SGCD: variants seen among roughly 807,000 people sequenced by gnomAD.
The protein encoded by SGCD is delta-sarcoglycan.
SGCD carries 18 observed loss-of-function variants against 36.6 expected under a neutral mutation model. That is an observed-to-expected ratio of 0.49 (90% CI 0.34 to 0.73). The LOEUF is 0.73. Among genes scored for constraint, SGCD ranks in the 30% least tolerant of loss-of-function variants. The pLI is 0.01. For missense variants in SGCD, 387 were observed against 346.7 expected, an observed-to-expected ratio of 1.12 and a Z score of -0.92; for synonymous variants, 133 against 130.6, an observed-to-expected ratio of 1.02 and a Z score of -0.12.
chr5:156,253,130 G>A (rs950941234), intron 3 of SGCD, among the ~76,000 whole-genome samples: 49 of 152,164 alleles, frequency 3.2e-4, no homozygotes, highest in African/African-American at 8.2e-4. Flanking sequence ...TGTGTCTCAC[G>A]GAACTAATGT....
intron 3 of SGCD, among the ~76,000 whole-genome samples, chr5:156,500,713 A>G (rs1756409223): frequency 1.3e-5 from 2 of 152,290 alleles, no homozygotes; most frequent in South Asian, 4.1e-4. Flanking sequence ...CTGAATAAAC[A>G]TATGCACTCT....
chr5:156,240,547 G>A (rs1765279968), intron 3 of SGCD, among the ~76,000 whole-genome samples: 1 of 152,102 alleles, frequency 6.6e-6, no homozygotes, highest in South Asian at 2.1e-4. Flanking sequence ...CTCAAAATGT[G>A]GTCTCCAGAC....
intron 1 of SGCD, among the ~76,000 whole-genome samples, chr5:155,985,482 T>C (rs138972449): frequency 6.6e-6 from 1 of 152,270 alleles, no homozygotes; most frequent in Non-Finnish European, 1.5e-5. Context: ...TATGATTACA[T>C]GGGGCCATCA....
intron 1 of SGCD, among the ~76,000 whole-genome samples, chr5:156,037,502 C>A (rs2127577370): frequency 6.6e-6 from 1 of 152,278 alleles, no homozygotes; most frequent in South Asian, 2.1e-4. Context: ...GGCAATTTGG[C>A]CTGTCAAATT....
intron 3 of SGCD, among the ~76,000 whole-genome samples, chr5:156,137,108 C>T (rs1314293196): frequency 6.6e-6 from 1 of 152,160 alleles, no homozygotes; most frequent in African/African-American, 2.4e-5. Context: ...ACCCCCAGGA[C>T]AAAACGAGAG....
the SGCD span, among the ~76,000 whole-genome samples, chr5:155,729,874 G>T: frequency 4.6e-5 from 7 of 152,210 alleles, no homozygotes; most frequent in Non-Finnish European, 8.8e-5. Flanking sequence ...TGGGCAGCAC[G>T]GAGTTGGCTG....
At chr5:156,068,799 C>T (rs752136642) in intron 1 of SGCD, among the ~76,000 whole-genome samples, 21,246 of 150,594 alleles carry the variant, frequency 0.14, 1,737 homozygotes, top group Non-Finnish European at 0.18. Context: ...TTCCTGACTT[C>T]TTAATGATTG....
chr5:156,353,695 G>A (rs1374202295), intron 3 of SGCD, among the ~76,000 whole-genome samples: 1 of 152,184 alleles, frequency 6.6e-6, no homozygotes, highest in Non-Finnish European at 1.5e-5. Context: ...TCAGTGCTTT[G>A]ACTGTGTGGT....
intron 1 of SGCD, among the ~76,000 whole-genome samples, chr5:155,944,783 G>A (rs982479649): frequency 3.9e-5 from 6 of 151,988 alleles, no homozygotes; most frequent in African/African-American, 7.3e-5. Flanking sequence ...TTCCAACTTC[G>A]GGTCATATTT....
At chr5:156,069,121 A>G (rs1760445820) in intron 1 of SGCD, among the ~76,000 whole-genome samples, 1 of 152,116 alleles carries the variant, frequency 6.6e-6, no homozygotes, top group Non-Finnish European at 1.5e-5. Flanking sequence ...GAAGCTATTT[A>G]GTTTAATTAG....
chr5:155,822,758 C>T, the SGCD span, among the ~76,000 whole-genome samples: 2 of 152,220 alleles, frequency 1.3e-5, no homozygotes, highest in Non-Finnish European at 1.5e-5. Flanking sequence ...CAGGGATTCA[C>T]ATATAGCAAA....
the SGCD span, among the ~76,000 whole-genome samples, chr5:155,748,844 C>A: frequency 6.6e-6 from 1 of 152,146 alleles, no homozygotes; most frequent in East Asian, 1.9e-4. Flanking sequence ...AAAGAAAAGT[C>A]CTATTTTAAA....
chr5:156,473,123 G>A (rs1341310947), intron 3 of SGCD, among the ~76,000 whole-genome samples: 2 of 152,156 alleles, frequency 1.3e-5, no homozygotes, highest in Non-Finnish European at 2.9e-5. Flanking sequence ...AAAGAATTGA[G>A]TGACTATTTC....
intron 3 of SGCD, among the ~76,000 whole-genome samples, chr5:156,395,657 C>T (rs1427415067): frequency 6.6e-6 from 1 of 152,182 alleles, no homozygotes; most frequent in Non-Finnish European, 1.5e-5. Flanking sequence ...ATCTAATCCT[C>T]TTCATGATCC....
chr5:156,247,608 T>G (rs1236626045), intron 3 of SGCD, among the ~76,000 whole-genome samples: 1 of 152,174 alleles, frequency 6.6e-6, no homozygotes, highest in Non-Finnish European at 1.5e-5. Context: ...CAGGATCAGC[T>G]GTTATAGAGA....
intron 3 of SGCD, among the ~76,000 whole-genome samples, chr5:156,448,965 G>A (rs1753873068): frequency 6.6e-6 from 1 of 151,862 alleles, no homozygotes; most frequent in Non-Finnish European, 1.5e-5. Flanking sequence ...TGTTGGCCAG[G>A]CTGGTCTGGA....
At chr5:156,576,534 CCCA>C (rs1759964891) in intron 4 of SGCD, among the ~76,000 whole-genome samples, 1 of 152,188 alleles carries the variant, frequency 6.6e-6, no homozygotes, top group Non-Finnish European at 1.5e-5. Flanking sequence ...AGTTTACACT[CCCA>C]CCAACAGTGT....
chr5:156,634,361 CAT>C (rs1039252869), intron 6 of SGCD, among the ~76,000 whole-genome samples: 4 of 152,148 alleles, frequency 2.6e-5, no homozygotes, highest in African/African-American at 9.7e-5. Flanking sequence ...CACCATGGCA[CAT>C]GTTTGCCTGT....
intron 3 of SGCD, among the ~76,000 whole-genome samples, chr5:156,236,187 CA>C (rs1384838689): frequency 6.6e-6 from 1 of 152,062 alleles, no homozygotes; most frequent in Non-Finnish European, 1.5e-5. Context: ...ACGGTTAAAT[CA>C]TTTTTTTTTC....
Sources: allele counts gnomAD v4.1 joint callset (sites outside exome capture counted in the v4.1 genomes callset), GRCh38; gene constraint gnomAD v4.1.1; transcripts MANE v1.5; gene names NCBI Gene and HGNC (gene_info 2026-07-23, HGNC 2026-07-21).